The following YAF2 variants were observed in gnomAD, a reference collection of about 807,000 sequenced individuals.
The protein encoded by YAF2 is YY1 associated factor 2.
In YAF2, 7 loss-of-function variants were observed where a neutral mutation model predicts 20.1. The observed-to-expected ratio is 0.35, with a 90% CI of 0.20 to 0.65. The LOEUF is 0.65. YAF2 is among the 30% of genes least tolerant of loss of function. The pLI is 0.69. For missense variants in YAF2, 151 were observed against 219.2 expected (o/e 0.69, Z 1.96); for synonymous variants, 74 against 76.0 (o/e 0.97, Z 0.14).
intron 2 of YAF2, among the ~76,000 whole-genome samples, chr12:42,165,073 A>G (rs115954343): frequency 0.015 from 2,268 of 151,882 alleles, 56 homozygotes; most frequent in African/African-American, 0.052. Flanking sequence ...AAAAAAAAAA[A>G]AAAAAAGAAA....
intron 2 of YAF2, among the ~76,000 whole-genome samples, chr12:42,201,585 G>A (rs1014445859): frequency 3.9e-5 from 6 of 151,944 alleles, no homozygotes; most frequent in African/African-American, 1.5e-4. Context: ...TGTCTTTTTT[G>A]TTGCTGTTGC....
At chr12:42,232,820 G>A in intron 2 of YAF2, 1 of 985,278 alleles carries the variant, frequency 1.0e-6, no homozygotes, top group South Asian at 4.7e-5. Flanking sequence ...AAAAGAAGCT[G>A]AAATAACTCA....
intron 2 of YAF2, chr12:42,234,780 G>A (rs1431849260): frequency 2.2e-6 from 2 of 921,280 alleles, no homozygotes; most frequent in East Asian, 2.4e-4. Flanking sequence ...TTGAGCTCAA[G>A]AGTTTGAGAC....
chr12:42,225,541 GAGTCAATTTTGTGTAA>G (rs992563347), intron 2 of YAF2, among the ~76,000 whole-genome samples: 3 of 152,238 alleles, frequency 2.0e-5, no homozygotes, highest in African/African-American at 7.2e-5. Flanking sequence ...AATCCATCTT[GAGTCAATTTTGTGTAA>G]AGTGTAAGGA....
At position 42,159,398 on chromosome 12, in the gene YAF2, C is replaced by T. The variant is rs559631902; in HGVS notation, c.*1191G>A. 8.5e-5 allele frequency: 13 copies of T among 152,132 alleles called. No individual in the cohort carries two copies. Among genetic ancestry groups the T allele is most frequent in the Middle Eastern group, 3.4e-3 (1 of 294 alleles). The allele number at this position is 152,132 out of a possible 1,614,324, so 9.4% of individuals were successfully genotyped here. A position where few individuals can be genotyped will look rare whatever the true frequency, so the allele number is the denominator to read the frequency against. On this transcript the variant is annotated 3_prime_UTR_variant, in exon 4 of 4. Coordinates refer to ENST00000534854, the MANE Select transcript of YAF2 (RefSeq NM_005748.6). Reference sequence around the variant, plus strand: ...GGTTTCTAGGTTGAAATTCTAAATACAACATAAAACTCTTTAAATAGTTGT... The same window carrying T: ...GGTTTCTAGGTTGAAATTCTAAATATAACATAAAACTCTTTAAATAGTTGT...
intron 2 of YAF2, among the ~76,000 whole-genome samples, chr12:42,229,664 GTATT>G (rs747351983): frequency 6.6e-6 from 1 of 152,146 alleles, no homozygotes; most frequent in Non-Finnish European, 1.5e-5. Context: ...ATCATAGAAT[GTATT>G]TATACAAACC....
chr12:42,210,566 T>G, intron 2 of YAF2: 2 of 1,536,084 alleles, frequency 1.3e-6, no homozygotes, highest in Non-Finnish European at 1.7e-6. Context: ...AATTGGAAAT[T>G]TCAACGGTTC....
chr12:42,165,061 C>CAAAAAAAAAAAAAAA, intron 2 of YAF2, among the ~76,000 whole-genome samples: 2 of 64,788 alleles, frequency 3.1e-5, no homozygotes, highest in South Asian at 5.8e-4. Flanking sequence ...TCTTCTGGAA[C>CAAAAAAAAAAAAAAA]AAAAAAAAAA....
intron 2 of YAF2, chr12:42,199,358 T>C: frequency 5.2e-6 from 2 of 385,052 alleles, no homozygotes; most frequent in Admixed American, 5.0e-5. Context: ...CAATTACAAG[T>C]GTTAAAACTT....
chr12:42,208,788 C>T lies in YAF2; in HGVS notation c.152+28811G>A, dbSNP rs574149356. On this transcript the variant is annotated intron_variant, in intron 2 of 3. Coordinates refer to ENST00000534854, the MANE Select transcript of YAF2 (RefSeq NM_005748.6). ...AGGCTATCTGAAGAAAGTGAGAAAC[C>T]ACAAACCAAGTGTAAATATAACTAT... Among the ~76,000 whole-genome samples, 3 of 152,162 alleles carry T rather than the reference C, an allele frequency of 2.0e-5. No individual in the cohort carries two copies. In the South Asian group the frequency reaches 6.2e-4, roughly 32 times the overall value.
At chr12:42,211,277 A>T (rs542617663) in intron 2 of YAF2, among the ~76,000 whole-genome samples, 182 of 151,988 alleles carry the variant, frequency 1.2e-3, no homozygotes, top group African/African-American at 4.1e-3. Context: ...AAATACAAAA[A>T]TTAGATGGAC....
chr12:42,232,828 T>A (rs1305190502), intron 2 of YAF2: 1 of 985,206 alleles, frequency 1.0e-6, no homozygotes, highest in Non-Finnish European at 1.2e-6. Context: ...CTGAAATAAC[T>A]CACTCTTTTT....
intron 2 of YAF2, among the ~76,000 whole-genome samples, chr12:42,192,661 T>G (rs1363992042): frequency 1.3e-5 from 2 of 152,156 alleles, no homozygotes; most frequent in Non-Finnish European, 2.9e-5. Flanking sequence ...ACTATTAGAG[T>G]AGCCCAGAAA....
chr12:42,196,025 C>T (rs890831637), intron 2 of YAF2, among the ~76,000 whole-genome samples: 1 of 151,616 alleles, frequency 6.6e-6, no homozygotes, highest in Non-Finnish European at 1.5e-5. Context: ...AGTTGGAGAC[C>T]AGCCTGGCCA....
intron 2 of YAF2, chr12:42,199,287 G>T: frequency 9.9e-7 from 1 of 1,011,682 alleles, no homozygotes; most frequent in Non-Finnish European, 1.3e-6. Flanking sequence ...ACATGGAACA[G>T]AATTTGACCA....
chr12:42,228,484 G>T (rs1188460063), intron 2 of YAF2, among the ~76,000 whole-genome samples: 1 of 55,402 alleles, frequency 1.8e-5, no homozygotes, highest in Non-Finnish European at 3.1e-5. Flanking sequence ...TGGGGGGGGG[G>T]GGTCAGCCCC....
intron 2 of YAF2, among the ~76,000 whole-genome samples, chr12:42,217,522 T>C (rs563092295): frequency 6.6e-6 from 1 of 152,340 alleles, no homozygotes; most frequent in African/African-American, 2.4e-5. Flanking sequence ...AAAGGGGCTT[T>C]TGCAGTTCAT....
intron 2 of YAF2, among the ~76,000 whole-genome samples, chr12:42,192,392 C>T (rs892297518): frequency 2.6e-5 from 4 of 151,802 alleles, no homozygotes; most frequent in Admixed American, 1.3e-4. Context: ...ACCTGTGAAC[C>T]CACCTACTCA....
At chr12:42,227,184 G>A (rs1206900757) in intron 2 of YAF2, among the ~76,000 whole-genome samples, 13 of 144,472 alleles carry the variant, frequency 9.0e-5, no homozygotes, top group African/African-American at 1.3e-4. Context: ...CGGGCCCCAC[G>A]GGGCCCGAGG....
Sources: allele counts gnomAD v4.1 joint callset (sites outside exome capture counted in the v4.1 genomes callset), GRCh38; gene constraint gnomAD v4.1.1; transcripts MANE v1.5; gene names NCBI Gene and HGNC (gene_info 2026-07-23, HGNC 2026-07-21).